THEMIS: variants seen among roughly 807,000 people sequenced by gnomAD.
The protein encoded by THEMIS is protein THEMIS.
In THEMIS, 37 loss-of-function variants were observed where a neutral mutation model predicts 52.6. The observed-to-expected ratio is 0.70, with a 90% CI of 0.54 to 0.93. THEMIS has a LOEUF of 0.93. THEMIS is among the 40% of genes least tolerant of loss of function. The pLI is 0.00. For missense variants in THEMIS, 808 were observed against 763.1 expected (o/e 1.06, Z -0.69); for synonymous variants, 292 against 272.7 (o/e 1.07, Z -0.70).
chr6:127,710,094 C>T (rs1773923959), intron 5 of THEMIS, 78 bp from the exon 6 acceptor site: 2 of 972,624 alleles, frequency 2.1e-6, no homozygotes, highest in Non-Finnish European at 3.0e-6. Context: ...CTTTCAAATA[C>T]TGTCGACACT....
Position 127,813,411 on chromosome 6 carries a change from A to C in THEMIS, c.1230T>G (p.Val410=). The C allele has an allele frequency of 4.3e-6, 7 of 1,613,930 alleles. No homozygotes were observed. Among genetic ancestry groups the C allele is most frequent in the Non-Finnish European group, 5.9e-6 (7 of 1,179,952 alleles). ...LCEGIKKVVN[V]LACEKILKKS... ...TTTTGAGGATTTTTTCACAGGCCAG[A>C]ACATTCACCACTTTTTTTATTCCCT... Residue 410 remains valine (V), a synonymous_variant, in exon 4 of 6, where the codon GTT becomes GTG. Transcript: ENST00000368248.
At chr6:127,908,164 T>A (rs973312921) in intron 1 of THEMIS, among the ~76,000 whole-genome samples, 5 of 152,144 alleles carry the variant, frequency 3.3e-5, no homozygotes, top group Non-Finnish European at 7.4e-5. Flanking sequence ...AGTTTCTTTT[T>A]TGATCATCCT....
At chr6:127,867,237 G>C (rs1413082918) in intron 1 of THEMIS, among the ~76,000 whole-genome samples, 1 of 152,030 alleles carries the variant, frequency 6.6e-6, no homozygotes, top group Non-Finnish European at 1.5e-5. Context: ...ATACAAAGTA[G>C]TAGATAGAAG....
downstream of THEMIS, among the ~76,000 whole-genome samples, chr6:127,703,141 G>A (rs971648029): frequency 4.6e-5 from 6 of 131,482 alleles, no homozygotes; most frequent in East Asian, 2.5e-4. Context: ...TCCGCCTCCC[G>A]GGTTCACGCC....
At chr6:127,801,616 A>C (rs935358762) in intron 4 of THEMIS, among the ~76,000 whole-genome samples, 12 of 152,116 alleles carry the variant, frequency 7.9e-5, no homozygotes, top group Non-Finnish European at 7.4e-5. Context: ...CCCCATCCCC[A>C]GTAGTGACAA....
At chr6:127,876,395 G>A (rs1780314555) in intron 1 of THEMIS, among the ~76,000 whole-genome samples, 1 of 152,288 alleles carries the variant, frequency 6.6e-6, no homozygotes, top group Non-Finnish European at 1.5e-5. Context: ...GAAGCAAAGA[G>A]TTCAGTTCTT....
intron 4 of THEMIS, among the ~76,000 whole-genome samples, chr6:127,778,631 C>T (rs1305867911): frequency 6.6e-6 from 1 of 152,016 alleles, no homozygotes; most frequent in East Asian, 1.9e-4. Context: ...TAAGGTATAC[C>T]ACGACAGTGA....
At chr6:127,726,378 G>A (rs1410842023) in intron 4 of THEMIS, among the ~76,000 whole-genome samples, 2 of 152,032 alleles carry the variant, frequency 1.3e-5, no homozygotes, top group Admixed American at 6.6e-5. Flanking sequence ...GACTGGCTGG[G>A]ACTAGACCCA....
At chr6:127,807,452 T>TAAAA in intron 4 of THEMIS, 2 of 186,356 alleles carry the variant, frequency 1.1e-5, no homozygotes, top group Non-Finnish European at 2.3e-5. Flanking sequence ...ACAGTCAAAA[T>TAAAA]TTGTCAATTT....
the THEMIS span, among the ~76,000 whole-genome samples, chr6:127,699,028 G>T: frequency 1.4e-5 from 2 of 143,020 alleles, no homozygotes; most frequent in Middle Eastern, 3.5e-3. Context: ...TACAAACCTA[G>T]TATCTCCACT....
intron 3 of THEMIS, among the ~76,000 whole-genome samples, chr6:127,827,639 C>A (rs1778551586): frequency 6.6e-6 from 1 of 152,186 alleles, no homozygotes; most frequent in Admixed American, 6.5e-5. Context: ...TCCAGTAGAT[C>A]AAGCCAGGAG....
intron 3 of THEMIS, among the ~76,000 whole-genome samples, chr6:127,815,374 T>C (rs972016367): frequency 2.0e-5 from 3 of 152,160 alleles, no homozygotes; most frequent in Non-Finnish European, 4.4e-5. Context: ...AATATCCTCT[T>C]ATAAAACATT....
upstream of THEMIS, among the ~76,000 whole-genome samples, chr6:127,901,504 T>C (rs527832488): frequency 1.3e-3 from 195 of 152,228 alleles, 3 homozygotes; most frequent in Non-Finnish European, 2.4e-4. Context: ...AGAATTCTGA[T>C]ACTATACTCT....
intron 1 of THEMIS, chr6:127,909,692 T>G (rs1291406784): frequency 2.6e-5 from 4 of 152,112 alleles, no homozygotes; most frequent in Non-Finnish European, 5.9e-5. Flanking sequence ...TCAAATGAAT[T>G]ACTGGGAAAA....
intron 1 of THEMIS, among the ~76,000 whole-genome samples, chr6:127,875,188 G>C (rs1780277814): frequency 6.6e-6 from 1 of 152,224 alleles, no homozygotes; most frequent in South Asian, 2.1e-4. Flanking sequence ...AACCACTGGA[G>C]TAAAAGATAC....
chr6:127,762,138 T>C (rs1209528757), intron 4 of THEMIS, among the ~76,000 whole-genome samples: 1 of 152,102 alleles, frequency 6.6e-6, no homozygotes, highest in Non-Finnish European at 1.5e-5. Flanking sequence ...ATTATGCTAA[T>C]TGAAATATGC....
At chr6:127,842,270 C>T (rs929573937) in intron 2 of THEMIS, among the ~76,000 whole-genome samples, 4 of 151,666 alleles carry the variant, frequency 2.6e-5, no homozygotes, top group African/African-American at 4.8e-5. Flanking sequence ...CAATGAATGA[C>T]GATTGAATGT....
In THEMIS at chr6:127,825,684, G is replaced by A. The variant is rs376305952; in HGVS notation, c.709+3792C>T. 3.7e-4 allele frequency among the ~76,000 whole-genome samples: 56 copies of A among 152,236 alleles called. 1 individual carries two copies. Among genetic ancestry groups the A allele is most frequent in the East Asian group, 3.7e-3 (19 of 5,180 alleles). On this transcript the variant is annotated intron_variant, in intron 3 of 5. Coordinates refer to ENST00000368248, the MANE Select transcript of THEMIS (RefSeq NM_001010923.3). ...TCCCAGGGCAGCACCTATGCAGTTGGTCTCAAAAATAAGCAATTCCAATTG... is the reference window on the plus strand; with the variant it reads ...TCCCAGGGCAGCACCTATGCAGTTGATCTCAAAAATAAGCAATTCCAATTG...
At chr6:127,734,848 G>T (rs557839170) in intron 4 of THEMIS, among the ~76,000 whole-genome samples, 1 of 117,676 alleles carries the variant, frequency 8.5e-6, no homozygotes. Flanking sequence ...CAGCCTGGGC[G>T]ATAGAGCAAG....
Sources: gnomAD v4.1 joint callset for allele counts (sites outside exome capture counted in the v4.1 genomes callset) on GRCh38, gnomAD v4.1.1 for gene constraint, MANE v1.5 for transcripts, NCBI Gene and HGNC (gene_info 2026-07-23, HGNC 2026-07-21) for gene names.